The following STAMBP variants were observed in gnomAD, a reference collection of about 807,000 sequenced individuals.
STAMBP encodes STAM binding protein, also known as STAM-binding protein.
In STAMBP, 31 loss-of-function variants were observed where a neutral mutation model predicts 50.7. The observed-to-expected ratio is 0.61, with a 90% CI of 0.46 to 0.83. STAMBP has a LOEUF of 0.83. STAMBP is among the 40% of genes least tolerant of loss of function. The probability of loss-of-function intolerance (pLI) is 0.00; values close to 1 mark genes in which losing one functional copy is unlikely to be tolerated. For missense variants in STAMBP, 472 were observed against 518.9 expected, an observed-to-expected ratio of 0.91 and a Z score of 0.88; for synonymous variants, 211 against 192.4, an observed-to-expected ratio of 1.10 and a Z score of -0.80.
intron 2 of STAMBP, among the ~76,000 whole-genome samples, chr2:73,833,872 C>T (rs1479173847): frequency 2.0e-5 from 3 of 151,896 alleles, no homozygotes; most frequent in Non-Finnish European, 4.4e-5. Flanking sequence ...ATACAGCTGA[C>T]CCCTGAACAA....
intron 2 of STAMBP, among the ~76,000 whole-genome samples, chr2:73,844,020 C>G (rs903911134): frequency 6.6e-6 from 1 of 152,188 alleles, no homozygotes; most frequent in Non-Finnish European, 1.5e-5. Flanking sequence ...CCAGCCTGCT[C>G]ATACTGAAAT....
chr2:73,852,845 TTGTGTGTGTGTGTGTGTGTGTG>T (rs55727735), intron 7 of STAMBP, among the ~76,000 whole-genome samples: 21 of 127,690 alleles, frequency 1.6e-4, no homozygotes, highest in African/African-American at 6.5e-4. Flanking sequence ...GCCTGGCTAA[TTGTGTGTGTGTGTGTGTGTGTG>T]TGTGTGTGTG....
intron 1 of STAMBP, 147 bp from the exon 2 acceptor site, chr2:73,830,698 A>G: frequency 6.1e-6 from 4 of 659,982 alleles, no homozygotes; most frequent in South Asian, 5.9e-5. Flanking sequence ...GCCTTCTTGT[A>G]GGAAAGTCCT....
At chr2:73,846,282 A>T (rs1026206515) in intron 4 of STAMBP, among the ~76,000 whole-genome samples, 2 of 151,974 alleles carry the variant, frequency 1.3e-5, no homozygotes, top group Non-Finnish European at 2.9e-5. Context: ...AACCATAAAA[A>T]TTTCAGAGGC....
intron 2 of STAMBP, among the ~76,000 whole-genome samples, chr2:73,835,204 C>T (rs1180162826): frequency 6.6e-6 from 1 of 151,968 alleles, no homozygotes. Context: ...AAATACAAAA[C>T]TTAGCCGGGC....
At chr2:73,867,561 A>G (rs984241049), downstream of STAMBP, among the ~76,000 whole-genome samples, 1 of 152,118 alleles carries the variant, frequency 6.6e-6, no homozygotes, top group African/African-American at 2.4e-5. Flanking sequence ...AATAAATAAC[A>G]ATAATAGAAG....
intron 2 of STAMBP, among the ~76,000 whole-genome samples, chr2:73,836,045 A>G (rs1327464576): frequency 6.6e-6 from 1 of 152,206 alleles, no homozygotes; most frequent in Non-Finnish European, 1.5e-5. Context: ...TTTCAAAAGA[A>G]GCAGTGGTGC....
chr2:73,868,089 G>A (rs1461634193), downstream of STAMBP, among the ~76,000 whole-genome samples: 50 of 147,144 alleles, frequency 3.4e-4, no homozygotes, highest in African/African-American at 8.3e-4. Context: ...ACGCCATTGC[G>A]CTCCAGCCTG....
intron 7 of STAMBP, among the ~76,000 whole-genome samples, chr2:73,852,482 G>T (rs1676950749): frequency 6.6e-6 from 1 of 152,134 alleles, no homozygotes; most frequent in Admixed American, 6.5e-5. Context: ...AGAGGGCTCT[G>T]GGAATCCACT....
intron 4 of STAMBP, among the ~76,000 whole-genome samples, chr2:73,845,797 A>G (rs1392989180): frequency 6.6e-6 from 1 of 152,028 alleles, no homozygotes; most frequent in African/African-American, 2.4e-5. Context: ...ATACCCGGCT[A>G]ATTTTTGTAT....
chr2:73,844,559 T>A (rs531543806), intron 2 of STAMBP: 5 of 260,418 alleles, frequency 1.9e-5, no homozygotes, highest in Admixed American at 1.1e-4. Flanking sequence ...CTTTTTAAAA[T>A]TTTTTTGGCC....
chr2:73,851,745 T>A (rs570578285), intron 7 of STAMBP, among the ~76,000 whole-genome samples: 13 of 152,046 alleles, frequency 8.6e-5, no homozygotes, highest in African/African-American at 3.1e-4. Flanking sequence ...ATTCAAGCGA[T>A]TCTCCTACCT....
At chr2:73,859,804 C>T (rs1468497335) in intron 8 of STAMBP, among the ~76,000 whole-genome samples, 1 of 152,084 alleles carries the variant, frequency 6.6e-6, no homozygotes, top group African/African-American at 2.4e-5. Flanking sequence ...AATCCTGTCT[C>T]TACTCCCACT....
intron 2 of STAMBP, among the ~76,000 whole-genome samples, chr2:73,834,437 GTTA>G (rs750147798): frequency 7.9e-5 from 12 of 151,240 alleles, no homozygotes; most frequent in Admixed American, 1.3e-4. Flanking sequence ...AATAGAGAAT[GTTA>G]TTAAGAAAAT....
intron 2 of STAMBP, among the ~76,000 whole-genome samples, chr2:73,842,549 C>G (rs1268630414): frequency 2.0e-5 from 3 of 152,148 alleles, no homozygotes; most frequent in Non-Finnish European, 4.4e-5. Flanking sequence ...ATGTATAGCT[C>G]ATATTTATTT....
rs943915166 is a variant in STAMBP, at chr2:73,831,545, C to T, written c.203+486C>T. ...GTAACTGCCTACAGTTTGTGTGGCTCATCATAATAAGACCTTTCCCTTAAG... is the reference window on the plus strand; with the variant it reads ...GTAACTGCCTACAGTTTGTGTGGCTTATCATAATAAGACCTTTCCCTTAAG... On this transcript the variant is annotated intron_variant, in intron 2 of 9. Transcript: ENST00000394070. Among the ~76,000 whole-genome samples, 11 of 152,134 alleles carry T rather than the reference C, an allele frequency of 7.2e-5. No homozygotes were observed. The East Asian group carries it at 1.7e-3, about 24-fold the overall frequency.
Position 73,859,246 on chromosome 2 carries a change from C to G in STAMBP, c.1006-8C>G. ...CTAAGAGTCCTCTGACTCTTTTTCT[C>G]TCCTCAGACTCACCCCACACAGACC... On this transcript the variant is annotated splice_region_variant and splice_polypyrimidine_tract_variant and intron_variant, in intron 7 of 9. Coordinates refer to ENST00000394070, the MANE Select transcript of STAMBP (RefSeq NM_213622.4). 6.2e-7 allele frequency: 1 copy of G among 1,611,050 alleles called. No homozygotes were observed. The highest frequency in any genetic ancestry group is 1.3e-5 in the African/African-American group (1 of 74,978).
rs184392932 is a variant in STAMBP at position 73,865,836 on chromosome 2, G to C, written c.*3577G>C. On this transcript the variant is annotated 3_prime_UTR_variant, in exon 10 of 10. Transcript: ENST00000394070. ...ATACAGCTAGAGGAATCTTTGGGCA[G>C]ATCCACATTCTTTAGCACTAGCTAG... The C allele has an allele frequency of 2.6e-5, 4 of 152,352 alleles. No homozygotes were observed. The East Asian group carries it at 7.7e-4, about 29-fold the overall frequency. 9.4% of individuals were successfully genotyped at this position (152,352 alleles called of 1,614,324 possible).
chr2:73,848,431 G>A (rs2104515894), intron 5 of STAMBP, among the ~76,000 whole-genome samples: 1 of 152,216 alleles, frequency 6.6e-6, no homozygotes. Context: ...ATACACCAGT[G>A]TATTTCTTTT....
Sources: gnomAD v4.1 joint callset for allele counts (sites outside exome capture counted in the v4.1 genomes callset) on GRCh38, gnomAD v4.1.1 for gene constraint, MANE v1.5 for transcripts, NCBI Gene and HGNC (gene_info 2026-07-23, HGNC 2026-07-21) for gene names.